MAPKBP1: variants seen among roughly 807,000 people sequenced by gnomAD.
The protein encoded by MAPKBP1 is mitogen-activated protein kinase-binding protein 1.
A neutral mutation model predicts 170.5 loss-of-function variants in MAPKBP1; 71 were observed. The ratio of observed to expected loss-of-function variants is 0.42; its 90% CI spans 0.34 to 0.51. The LOEUF is 0.51. Ranked by LOEUF, MAPKBP1 falls within the 20% of genes least tolerant of loss-of-function variation. The pLI is 0.06. For missense variants in MAPKBP1, 1,598 were observed against 1,933.0 expected, an observed-to-expected ratio of 0.83 and a Z score of 3.25; for synonymous variants, 719 against 757.9, an observed-to-expected ratio of 0.95 and a Z score of 0.84.
At chr15:41,795,348 A>G (rs570718872) in intron 2 of MAPKBP1, among the ~76,000 whole-genome samples, 19 of 152,184 alleles carry the variant, frequency 1.2e-4, no homozygotes, top group African/African-American at 4.6e-4. Flanking sequence ...GGAATGGCAT[A>G]TGTAAAGGAC....
At chr15:41,819,547 C>CGGGGGGGGGGGGGGGGGGGG (rs3034893) in intron 21 of MAPKBP1, 48 bp from the exon 22 acceptor site, 14 of 1,235,816 alleles carry the variant, frequency 1.1e-5, no homozygotes, top group South Asian at 4.2e-5. Flanking sequence ...GGTTGGGTGG[C>CGGGGGGGGGGGGGGGGGGGG]GGGGGGGGGG....
At chr15:41,811,759 G>A (rs1567147948) in intron 5 of MAPKBP1, 198 bp from the exon 6 acceptor site, 2 of 707,284 alleles carry the variant, frequency 2.8e-6, no homozygotes, top group Non-Finnish European at 5.1e-6. Context: ...ACTAAAATCC[G>A]GGGCCACTTT....
In MAPKBP1 at chr15:41,823,558, G is replaced by A. The variant is rs779228316; in HGVS notation, c.3710G>A (p.Arg1237Gln). The A allele has an allele frequency of 7.4e-6, 12 of 1,614,092 alleles. No homozygotes were observed. Among genetic ancestry groups the A allele is most frequent in the Middle Eastern group, 1.6e-4 (1 of 6,062 alleles). ...CCCCCAGCTGATGGCCGTCCGTCTC[G>A]GCCTCACTCCTATCAGAACCCCACC... ...SLPPADGRPS[R>Q]PHSYQNPTTS... Residue 1237 changes from arginine (R) to glutamine (Q), a missense_variant, in exon 29 of 31, where the codon CGG (arginine) becomes CAG (glutamine). Around this residue, in one of 6 missense-constraint regions of MAPKBP1, gnomAD observed 942 missense variants for 953.2 expected, o/e 0.99. Transcript: ENST00000457542.
chr15:41,781,399 GT>G (rs71108134), intron 2 of MAPKBP1, among the ~76,000 whole-genome samples: 2,388 of 140,362 alleles, frequency 0.017, 62 homozygotes, highest in African/African-American at 0.058. Context: ...GGGTTTTTTT[GT>G]TTTTTTTTTT....
At position 41,813,685 on chromosome 15, in the gene MAPKBP1, C is replaced by T; in HGVS notation, c.884C>T (p.Thr295Ile). Residue 295 changes from threonine (T) to isoleucine (I), a missense_variant, in exon 9 of 31, where the codon ACC (threonine) becomes ATC (isoleucine). Coordinates refer to ENST00000457542, the MANE Select transcript of MAPKBP1 (RefSeq NM_014994.3). ...DYIFCGCADG[T>I]VRLFNPSNLH... ...ATCTTCTGTGGCTGTGCTGATGGCA[C>T]CGTGCGCCTTTTCAACCCCTCTAAC... 1 of 1,614,092 alleles carries T rather than the reference C, an allele frequency of 6.2e-7. No homozygotes were observed. Among genetic ancestry groups the T allele is most frequent in the Non-Finnish European group, 8.5e-7 (1 of 1,179,998 alleles).
At chr15:41,811,079 C>T (rs938559367) in intron 4 of MAPKBP1, 99 bp from the exon 5 acceptor site, 12 of 1,525,754 alleles carry the variant, frequency 7.9e-6, no homozygotes, top group African/African-American at 4.1e-5. Context: ...GCCACATGTG[C>T]CATTGGTGTC....
Position 41,823,107 on chromosome 15 carries a change from G to A in MAPKBP1, c.3483G>A (p.Leu1161=). 1 of 1,613,816 alleles carries A rather than the reference G, an allele frequency of 6.2e-7. No homozygotes were observed. The highest frequency in any genetic ancestry group is 1.1e-5 in the South Asian group (1 of 91,086). Residue 1161 remains leucine, a synonymous_variant, in exon 28 of 31, where the codon CTG becomes CTA. Transcript: ENST00000457542. ...NPSPQQAASV[L]LPRCRLNPDS... ...GCCCCCAGCAGGCAGCCTCTGTGCT[G>A]TTGCCACGATGCCGTCTCAACCCTG...
At chr15:41,791,816 A>G (rs559614171) in intron 2 of MAPKBP1, among the ~76,000 whole-genome samples, 2 of 151,966 alleles carry the variant, frequency 1.3e-5, no homozygotes, top group East Asian at 3.9e-4. Context: ...CATCTTCTCC[A>G]TGCTCTAAAA....
chr15:41,806,657 C>T lies in MAPKBP1; in HGVS notation c.207-4226C>T, dbSNP rs111696115. 6.1e-3 allele frequency among the ~76,000 whole-genome samples: 922 copies of T among 152,288 alleles called. 14 individuals carry two copies. Among genetic ancestry groups the T allele is most frequent in the African/African-American group, 0.021 (888 of 41,546 alleles). On this transcript the variant is annotated intron_variant, in intron 3 of 30. Coordinates refer to ENST00000457542, the MANE Select transcript of MAPKBP1 (RefSeq NM_014994.3). ...ACGTCCTTCTGTGAGAGTGAGCAGC[C>T]GCCCTGCACCCTCAGGTGCTGAGTT...
At chr15:41,784,549 C>T (rs144310715) in intron 2 of MAPKBP1, among the ~76,000 whole-genome samples, 4,995 of 151,556 alleles carry the variant, frequency 0.033, 142 homozygotes, top group South Asian at 0.07. Flanking sequence ...TTTGGGAGGC[C>T]GAGGCGGGTG....
At position 41,811,235 on chromosome 15, in the gene MAPKBP1, G is replaced by A; in HGVS notation, c.327G>A (p.Glu109=). ...SPDGKYLVTG[E]SGHMPAVRVW... The stretch of plus-strand genomic sequence containing the variant: ...ATGGCAAGTACTTGGTCACTGGAGA[G>A]GTGAGTGAGGAAGAGGGCTGGCAGT... The change falls in exon 5 of 31, where the codon GAG becomes GAA. Residue 109 remains glutamate (E), a splice_region_variant and synonymous_variant. Coordinates refer to ENST00000457542, the MANE Select transcript of MAPKBP1 (RefSeq NM_014994.3). 6.2e-7 allele frequency: 1 copy of A among 1,614,262 alleles called. No homozygotes were observed. Among genetic ancestry groups the A allele is most frequent in the Non-Finnish European group, 8.5e-7 (1 of 1,180,038 alleles).
rs537907294 is a variant in MAPKBP1 at position 41,810,090 on chromosome 15, A to G, written c.207-793A>G. Among the ~76,000 whole-genome samples, 6 of 152,236 alleles carry G rather than the reference A, an allele frequency of 3.9e-5. No individual in the cohort carries two copies. The East Asian group carries it at 1.2e-3, about 29-fold the overall frequency. On this transcript the variant is annotated intron_variant, in intron 3 of 30. Transcript: ENST00000457542. ...TGTGGGGGGCCAGCTCTTGCCAGGT[A>G]CACACGTGGGTGCACACGTGAGAGG... is the stretch of plus-strand genomic sequence containing the variant.
intron 2 of MAPKBP1, among the ~76,000 whole-genome samples, chr15:41,796,002 T>TA (rs1265433639): frequency 6.6e-6 from 1 of 152,204 alleles, no homozygotes; most frequent in Non-Finnish European, 1.5e-5. Flanking sequence ...ATGTGGGTGT[T>TA]ACAGTCCAAG....
chr15:41,776,198 A>G (rs2064095458), intron 2 of MAPKBP1, among the ~76,000 whole-genome samples: 1 of 152,244 alleles, frequency 6.6e-6, no homozygotes, highest in African/African-American at 2.4e-5. Context: ...ACAGGATCAG[A>G]TCAGATTTTG....
chr15:41,814,414 C>T (rs2064855536), intron 9 of MAPKBP1, 136 bp from the exon 10 acceptor site: 2 of 805,618 alleles, frequency 2.5e-6, no homozygotes, highest in East Asian at 5.2e-5. Context: ...GTAGGGGCTC[C>T]TTTCTTCTCT....
chr15:41,824,378 G>A (rs1567158226), intron 29 of MAPKBP1, 106 bp from the exon 30 acceptor site: 3 of 1,035,248 alleles, frequency 2.9e-6, no homozygotes, highest in East Asian at 2.6e-5. Flanking sequence ...GGCAAGTGGG[G>A]GGTGCAATGC....
intron 3 of MAPKBP1, among the ~76,000 whole-genome samples, chr15:41,805,872 C>T (rs2064681424): frequency 6.6e-6 from 1 of 152,086 alleles, no homozygotes; most frequent in Admixed American, 6.5e-5. Context: ...AGCAGACAGG[C>T]CTGTGACCTC....
At chr15:41,789,391 G>C (rs1055843125) in intron 2 of MAPKBP1, among the ~76,000 whole-genome samples, 5 of 152,148 alleles carry the variant, frequency 3.3e-5, no homozygotes, top group Non-Finnish European at 7.4e-5. Context: ...AAGAGAAAGA[G>C]AGGGCAGAAG....
At chr15:41,786,778 ATAT>A (rs1212585844) in intron 2 of MAPKBP1, among the ~76,000 whole-genome samples, 32 of 29,466 alleles carry the variant, frequency 1.1e-3, no homozygotes, top group South Asian at 4.0e-3. Flanking sequence ...AAAAAAAAAA[ATAT>A]ATATATATAT....
Sources: allele counts gnomAD v4.1 joint callset (sites outside exome capture counted in the v4.1 genomes callset), GRCh38; gene constraint gnomAD v4.1.1; regional missense constraint gnomAD v4.1.1; transcripts MANE v1.5; gene names NCBI Gene and HGNC (gene_info 2026-07-23, HGNC 2026-07-21).